CCT6B: variants seen among roughly 807,000 people sequenced by gnomAD.
The protein encoded by CCT6B is probable T-complex protein 1 subunit zeta-2.
Under a neutral mutation model 61.5 loss-of-function variants are expected in CCT6B, and 49 were observed. The observed-to-expected ratio is 0.80, with a 90% CI of 0.63 to 1.01. CCT6B has a LOEUF of 1.01. Among genes scored for constraint, CCT6B ranks in the 50% least tolerant of loss-of-function variants. The probability of loss-of-function intolerance (pLI) is 0.00; values close to 1 mark genes in which losing one functional copy is unlikely to be tolerated. For missense variants in CCT6B, 666 were observed against 634.7 expected, an observed-to-expected ratio of 1.05 and a Z score of -0.53; for synonymous variants, 228 against 214.5, an observed-to-expected ratio of 1.06 and a Z score of -0.55.
chr17:34,961,254 C>G lies in CCT6B; in HGVS notation c.137+3G>C. On this transcript the variant is annotated splice_donor_region_variant and intron_variant, in intron 1 of 13. Coordinates refer to ENST00000314144, the MANE Select transcript of CCT6B (RefSeq NM_006584.4). ...GTAATGGCCGCTCCAACCGCTGTCT[C>G]ACATTTTCATGGTGCCTTTAGGACC... 1 of 1,600,038 alleles carries G rather than the reference C, an allele frequency of 6.2e-7. No homozygotes were observed. The highest frequency in any genetic ancestry group is 1.1e-5 in the South Asian group (1 of 89,620).
intron 12 of CCT6B, among the ~76,000 whole-genome samples, chr17:34,929,292 G>A (rs2090007315): frequency 6.6e-6 from 1 of 151,770 alleles, no homozygotes; most frequent in Non-Finnish European, 1.5e-5. Context: ...TTGCATTAGT[G>A]GCTCCTTTTC....
intron 10 of CCT6B, among the ~76,000 whole-genome samples, chr17:34,935,891 A>G (rs935177027): frequency 6.6e-6 from 1 of 151,976 alleles, no homozygotes; most frequent in African/African-American, 2.4e-5. Flanking sequence ...GATCATCTCA[A>G]TAGATGCACA....
At chr17:34,949,092 G>GAAA in intron 5 of CCT6B, among the ~76,000 whole-genome samples, 2 of 438 alleles carry the variant, frequency 4.6e-3, no homozygotes, top group South Asian at 0.5. Context: ...GAGGGGAGGG[G>GAAA]AGGGAAAAGA....
intron 10 of CCT6B, among the ~76,000 whole-genome samples, chr17:34,935,803 G>A (rs1018099899): frequency 6.6e-5 from 10 of 151,746 alleles, no homozygotes; most frequent in African/African-American, 2.4e-4. Context: ...GTTGCAGTGA[G>A]CCAGGATTGC....
intron 5 of CCT6B, chr17:34,944,153 C>T (rs542520243): frequency 6.6e-6 from 1 of 152,164 alleles, no homozygotes; most frequent in African/African-American, 2.4e-5. Flanking sequence ...ACATTCCTCA[C>T]TCTTCAAGCC....
rs749788960 is a variant in CCT6B at position 34,942,871 on chromosome 17, C to T, written c.650G>A (p.Arg217His). The T allele has an allele frequency of 6.8e-5, 109 of 1,609,344 alleles. 2 individuals are homozygous for T. Among genetic ancestry groups the T allele is most frequent in the South Asian group, 3.4e-4 (31 of 90,304 alleles). ...IQGLVLDHGA[R>H]HPDMKKRVED... The stretch of plus-strand genomic sequence containing the variant: ...TACTCGCTTCTTCATATCTGGATGA[C>T]GGGCACCATGATCCAAAACTAATCC... Residue 217 changes from arginine (R) to histidine (H), a missense_variant, in exon 6 of 14, where the codon CGT (arginine) becomes CAT (histidine). Transcript: ENST00000314144.
chr17:34,959,603 A>ATGCT lies in CCT6B; in HGVS notation c.184_185insAGCA (p.Val62GlufsTer6). 1 of 1,612,932 alleles carries ATGCT rather than the reference A, an allele frequency of 6.2e-7. No homozygotes were observed. The highest frequency in any genetic ancestry group is 8.5e-7 in the Non-Finnish European group (1 of 1,178,944). ...TCAGCTCACCATCTCATCGAGCAGC[A>ATGCT]CATTGCCATCTTTGGTGAGTTTGAT... On this transcript the variant is annotated frameshift_variant, in exon 2 of 14. Coordinates refer to ENST00000314144, the MANE Select transcript of CCT6B (RefSeq NM_006584.4). LOFTEE classifies it high-confidence loss of function.
At chr17:34,958,733 A>T in intron 2 of CCT6B, 39 bp from the exon 3 acceptor site, 1 of 1,527,010 alleles carries the variant, frequency 6.5e-7, no homozygotes, top group Non-Finnish European at 8.8e-7. Flanking sequence ...AGACAGGATG[A>T]GATAAGGAAG....
intron 4 of CCT6B, among the ~76,000 whole-genome samples, chr17:34,952,417 T>C (rs1237460739): frequency 6.6e-6 from 1 of 152,172 alleles, no homozygotes; most frequent in African/African-American, 2.4e-5. Context: ...ATACCAAGAC[T>C]ATCCAAACTT....
At position 34,928,378 on chromosome 17, in the gene CCT6B, T is replaced by C. The variant is rs1392185710; in HGVS notation, c.1524-261A>G. The stretch of plus-strand genomic sequence containing the variant: ...ACTTCTGCCTCCCAGGTTCAAGCAA[T>C]TCTCCCGCCTCAGCCTCCCGAGTAG... On this transcript the variant is annotated intron_variant, in intron 13 of 13. Coordinates refer to ENST00000314144, the MANE Select transcript of CCT6B (RefSeq NM_006584.4). Among the ~76,000 whole-genome samples the C allele has an allele frequency of 2.6e-5, 4 of 152,000 alleles. No individual in the cohort carries two copies. In the East Asian group the frequency reaches 5.8e-4, roughly 22 times the overall value.
chr17:34,937,474 AAAGTC>A (rs1567664752), intron 10 of CCT6B, among the ~76,000 whole-genome samples: 1 of 152,186 alleles, frequency 6.6e-6, no homozygotes, highest in Non-Finnish European at 1.5e-5. Flanking sequence ...TGGTGAAAGT[AAAGTC>A]TTTTCAGCAA....
At chr17:34,947,951 T>C (rs1459580053) in intron 5 of CCT6B, among the ~76,000 whole-genome samples, 3 of 145,346 alleles carry the variant, frequency 2.1e-5, no homozygotes, top group African/African-American at 7.7e-5. Context: ...CACTCCAGCC[T>C]GGTGACAGAG....
chr17:34,949,524 G>A (rs927985884), intron 5 of CCT6B: 1 of 147,970 alleles, frequency 6.8e-6, no homozygotes, highest in Non-Finnish European at 1.5e-5. Flanking sequence ...AGGGAGGGAG[G>A]GAAAGGAAGG....
intron 10 of CCT6B, among the ~76,000 whole-genome samples, chr17:34,934,947 T>C (rs1205582263): frequency 6.6e-6 from 1 of 152,052 alleles, no homozygotes; most frequent in Non-Finnish European, 1.5e-5. Context: ...TTAAATCAAA[T>C]AATACATAAA....
At chr17:34,942,772 TTA>T in intron 6 of CCT6B, 22 bp downstream of exon 6, 1 of 1,549,754 alleles carries the variant, frequency 6.5e-7, no homozygotes, top group African/African-American at 1.4e-5. Context: ...AATTCAAAAG[TTA>T]TAAAGAGAAA....
At chr17:34,952,856 A>C (rs1258720175) in intron 4 of CCT6B, among the ~76,000 whole-genome samples, 1 of 152,226 alleles carries the variant, frequency 6.6e-6, no homozygotes, top group Non-Finnish European at 1.5e-5. Flanking sequence ...GGCAAATAAG[A>C]AATAGGACAA....
intron 1 of CCT6B, among the ~76,000 whole-genome samples, chr17:34,960,571 T>C (rs918650656): frequency 2.0e-5 from 3 of 152,210 alleles, no homozygotes; most frequent in African/African-American, 7.2e-5. Context: ...CTCTACCACA[T>C]CCGTCTCTAC....
chr17:34,947,975 C>CA (rs570493756), intron 5 of CCT6B, among the ~76,000 whole-genome samples: 1,536 of 62,656 alleles, frequency 0.025, 21 homozygotes, highest in African/African-American at 0.063. Context: ...CACTCCGTCT[C>CA]AAAAAAAAAA....
intron 7 of CCT6B, 99 bp from the exon 8 acceptor site, chr17:34,940,720 A>G (rs964986205): frequency 9.9e-6 from 5 of 504,392 alleles, no homozygotes; most frequent in South Asian, 3.9e-5. Flanking sequence ...AAAATGATTA[A>G]GCACCCAAAA....
Sources: gnomAD v4.1 joint callset for allele counts (sites outside exome capture counted in the v4.1 genomes callset) on GRCh38, gnomAD v4.1.1 for gene constraint, MANE v1.5 for transcripts, NCBI Gene and HGNC (gene_info 2026-07-23, HGNC 2026-07-21) for gene names.